Variants in CSE1L observed in about 807,000 individuals in gnomAD.
CSE1L encodes chromosome segregation 1 like.
A neutral mutation model predicts 120.4 loss-of-function variants in CSE1L; 24 were observed. The ratio of observed to expected loss-of-function variants is 0.20; its 90% confidence interval spans 0.14 to 0.28. CSE1L has a LOEUF of 0.28. Ranked by LOEUF, CSE1L falls within the 10% of genes least tolerant of loss-of-function variation. CSE1L has a pLI of 1.00. For synonymous variants in CSE1L, 402 were observed against 398.3 expected, an observed-to-expected ratio of 1.01 and a Z score of -0.11; for missense variants, 830 against 1,145.2, an observed-to-expected ratio of 0.72 and a Z score of 3.97.
intron 16 of CSE1L, among the ~76,000 whole-genome samples, chr20:49,087,444 A>G (rs1342965950): frequency 7.0e-6 from 1 of 142,038 alleles, no homozygotes; most frequent in African/African-American, 2.6e-5. Context: ...TGCAACCTCC[A>G]CTTCCCAGGT....
rs751706402 is a variant in CSE1L, at chr20:49,090,918, A to AT, written c.2280-11dup. 1.1e-4 allele frequency: 170 copies of AT among 1,595,526 alleles called. 1 individual carries two copies. In the East Asian group the frequency reaches 1.2e-3, roughly 11 times the overall value. On this transcript the variant is annotated intron_variant, in intron 20 of 24. Transcript: ENST00000262982. The stretch of plus-strand genomic sequence containing the variant: ...GAAAAGTCCTAAATTTATATTGTTG[A>AT]TTTTTTTTAATTCTTTAGTGAATCA...
chr20:49,064,230 A>G (rs1235399630), intron 3 of CSE1L, among the ~76,000 whole-genome samples: 2 of 152,262 alleles, frequency 1.3e-5, no homozygotes, highest in African/African-American at 2.4e-5. Flanking sequence ...AGGCTTTTCT[A>G]TAGTGATAGC....
intron 17 of CSE1L, among the ~76,000 whole-genome samples, chr20:49,088,522 T>A (rs1245389150): frequency 6.6e-6 from 1 of 152,236 alleles, no homozygotes; most frequent in Non-Finnish European, 1.5e-5. Context: ...AAGTTCACTC[T>A]GATCAAAATT....
intron 12 of CSE1L, 62 bp from the exon 13 acceptor site, chr20:49,076,918 C>T: frequency 9.5e-7 from 1 of 1,048,412 alleles, no homozygotes; most frequent in South Asian, 1.6e-5. Flanking sequence ...GCCTGAATTT[C>T]TAATGTGATA....
intron 12 of CSE1L, among the ~76,000 whole-genome samples, chr20:49,076,558 C>A (rs139267564): frequency 2.4e-5 from 2 of 82,920 alleles, no homozygotes; most frequent in Non-Finnish European, 2.1e-5. Flanking sequence ...GAGACGTTGT[C>A]TTGCTCTGTC....
At chr20:49,049,506 G>A (rs184867732) in intron 1 of CSE1L, among the ~76,000 whole-genome samples, 2 of 152,178 alleles carry the variant, frequency 1.3e-5, no homozygotes, top group Admixed American at 6.5e-5. Flanking sequence ...TTTCTAGTTT[G>A]AGTCATTTTT....
At chr20:49,064,779 G>T (rs968878198) in intron 3 of CSE1L, among the ~76,000 whole-genome samples, 3 of 151,054 alleles carry the variant, frequency 2.0e-5, no homozygotes, top group African/African-American at 7.3e-5. Flanking sequence ...CCTCTATTTT[G>T]ATTTGTAAAA....
chr20:49,055,691 C>T (rs1342969820), intron 1 of CSE1L, among the ~76,000 whole-genome samples: 1 of 152,168 alleles, frequency 6.6e-6, no homozygotes, highest in South Asian at 2.1e-4. Flanking sequence ...TGCAGTCCAA[C>T]CTGGGCCACA....
chr20:49,048,149 T>C (rs927762410), intron 1 of CSE1L, among the ~76,000 whole-genome samples: 13 of 148,510 alleles, frequency 8.8e-5, no homozygotes, highest in African/African-American at 2.0e-4. Flanking sequence ...TCTCTCTCTT[T>C]TTTTTTTTTT....
Position 49,072,354 on chromosome 20 carries a change from A to C in CSE1L, c.837A>C (p.Ala279=), listed in dbSNP as rs1234506403. 3 of 1,614,078 alleles carry C rather than the reference A, an allele frequency of 1.9e-6. No individual in the cohort carries two copies. The South Asian group carries it at 3.3e-5, about 18-fold the overall frequency. The change falls in exon 9 of 25, where the codon GCA becomes GCC. Residue 279 remains alanine (A), a synonymous_variant. Coordinates refer to ENST00000262982, the MANE Select transcript of CSE1L (RefSeq NM_001316.4). The part of the protein sequence containing the change: ...SQICDNAALY[A]QKYDEEFQRY... ...TTTGTGATAATGCCGCACTCTATGCACAAAAGTACGATGAAGAATTCCAGC... is the reference window on the plus strand; with the variant it reads ...TTTGTGATAATGCCGCACTCTATGCCCAAAAGTACGATGAAGAATTCCAGC...
chr20:49,061,974 C>T lies in CSE1L; in HGVS notation c.86-1228C>T, dbSNP rs575901508. On this transcript the variant is annotated intron_variant, in intron 2 of 24. Transcript: ENST00000262982. ...TAGACCTTTTGAGACTCCTTGAGTG[C>T]GCAGAAACATATGCATGTGAATATT... Among the ~76,000 whole-genome samples the T allele has an allele frequency of 7.9e-5, 12 of 152,078 alleles. No individual in the cohort carries two copies. In the East Asian group the frequency reaches 1.2e-3, roughly 15 times the overall value.
At chr20:49,086,794 C>T (rs1174467649) in intron 16 of CSE1L, among the ~76,000 whole-genome samples, 4 of 152,316 alleles carry the variant, frequency 2.6e-5, no homozygotes, top group South Asian at 2.1e-4. Context: ...AATAATTCTG[C>T]GCCAGCCTAG....
At chr20:49,089,489 C>A in intron 18 of CSE1L, 49 bp from the exon 19 acceptor site, 2 of 1,605,700 alleles carry the variant, frequency 1.2e-6, no homozygotes, top group South Asian at 2.2e-5. Flanking sequence ...CCTTTTGTGT[C>A]AGTCATTCCT....
At chr20:49,059,087 C>T (rs1481298908) in intron 2 of CSE1L, among the ~76,000 whole-genome samples, 1 of 150,686 alleles carries the variant, frequency 6.6e-6, no homozygotes, top group African/African-American at 2.4e-5. Context: ...GCCGAGATTG[C>T]GCCACTGCAC....
intron 6 of CSE1L, among the ~76,000 whole-genome samples, 177 bp downstream of exon 6, chr20:49,067,457 TA>T (rs1304640672): frequency 6.6e-6 from 1 of 152,218 alleles, no homozygotes; most frequent in East Asian, 1.9e-4. Flanking sequence ...TCCCATCTAT[TA>T]TTACACAAAT....
chr20:49,049,279 G>A (rs946105527), intron 1 of CSE1L, among the ~76,000 whole-genome samples: 1 of 147,514 alleles, frequency 6.8e-6, no homozygotes, highest in Admixed American at 6.7e-5. Context: ...GCTGACCTGG[G>A]CTCAGTCTAT....
intron 8 of CSE1L, 49 bp from the exon 9 acceptor site, chr20:49,072,236 AT>A: frequency 6.3e-7 from 1 of 1,581,522 alleles, no homozygotes. Flanking sequence ...CCTCTTACTT[AT>A]GTTAGCATTA....
intron 22 of CSE1L, among the ~76,000 whole-genome samples, chr20:49,092,941 T>G (rs2092113086): frequency 6.6e-6 from 1 of 152,192 alleles, no homozygotes; most frequent in Non-Finnish European, 1.5e-5. Flanking sequence ...GAGAAATACT[T>G]AGGACCAATA....
intron 22 of CSE1L, 45 bp downstream of exon 22, chr20:49,092,172 CTTT>C: frequency 1.8e-6 from 2 of 1,097,306 alleles, no homozygotes; most frequent in Non-Finnish European, 2.7e-6. Flanking sequence ...AATGTTTTGA[CTTT>C]TTTTTTAGTA....
Sources: gnomAD v4.1 joint callset for allele counts (sites outside exome capture counted in the v4.1 genomes callset) on GRCh38, gnomAD v4.1.1 for gene constraint, MANE v1.5 for transcripts, NCBI Gene and HGNC (gene_info 2026-07-23, HGNC 2026-07-21) for gene names.